GPI: variants seen among roughly 807,000 people sequenced by gnomAD.
GPI encodes the protein D-hexose-6-phosphate anomerase.
Under a neutral mutation model 75.8 loss-of-function variants are expected in GPI, and 56 were observed. The ratio of observed to expected loss-of-function variants is 0.74; its 90% CI spans 0.60 to 0.92. GPI has a LOEUF of 0.92. Among genes scored for constraint, GPI ranks in the 40% least tolerant of loss-of-function variants. GPI has a pLI of 0.00. For missense variants in GPI, 638 were observed against 741.0 expected (o/e 0.86, Z 1.61); for synonymous variants, 288 against 285.4 (o/e 1.01, Z -0.09).
intron 16 of GPI, 29 bp downstream of exon 16, chr19:34,399,660 T>C: frequency 6.2e-7 from 1 of 1,613,600 alleles, no homozygotes; most frequent in South Asian, 1.1e-5. Flanking sequence ...GGTCCTGGCT[T>C]GGGGTAGGTT....
chr19:34,372,688 T>C (rs1327121035), intron 4 of GPI, among the ~76,000 whole-genome samples: 1 of 152,198 alleles, frequency 6.6e-6, no homozygotes, highest in Non-Finnish European at 1.5e-5. Context: ...GGCTCTTGTA[T>C]AATCCCAGCA....
In GPI at chr19:34,365,335, G is replaced by A. The variant is rs990168476; in HGVS notation, c.69G>A (p.Glu23=). ...AATGGTACCGCGAGCACCGCTCCGA[G>A]CTGAACCTGCGCCGCCTCTTCGATG... is the stretch of plus-strand genomic sequence containing the variant. ...LQQWYREHRS[E]LNLRRLFDAN... Residue 23 remains glutamate (E), a synonymous_variant, in exon 1 of 18, where the codon GAG becomes GAA. Transcript: ENST00000356487. 3 of 1,592,120 alleles carry A rather than the reference G, an allele frequency of 1.9e-6. No homozygotes were observed. The highest frequency in any genetic ancestry group is 2.6e-6 in the Non-Finnish European group (3 of 1,171,232).
chr19:34,396,784 C>T (rs2074952148), intron 14 of GPI, 127 bp downstream of exon 14: 2 of 762,510 alleles, frequency 2.6e-6, no homozygotes, highest in Admixed American at 4.0e-5. Context: ...TGATAACAAA[C>T]ATGGAGGCTT....
chr19:34,386,451 A>C (rs1247600444), intron 9 of GPI, among the ~76,000 whole-genome samples: 1 of 152,114 alleles, frequency 6.6e-6, no homozygotes, highest in Non-Finnish European at 1.5e-5. Context: ...CAGGTAGACA[A>C]AACTGGTCTG....
At chr19:34,382,782 C>G (rs906646276) in intron 9 of GPI, among the ~76,000 whole-genome samples, 1 of 152,040 alleles carries the variant, frequency 6.6e-6, no homozygotes, top group Admixed American at 6.5e-5. Flanking sequence ...TCTGGCCTCC[C>G]AGGTAAGGCC....
rs8191382 is a variant in GPI at position 34,379,532 on chromosome 19, G to A, written c.720G>A (p.Ala240=). 41 of 1,613,944 alleles carry A rather than the reference G, an allele frequency of 2.5e-5. 2 individuals carry two copies. In the South Asian group the frequency reaches 3.1e-4, roughly 12 times the overall value. ...LQAAKDPSAV[A]KHFVALSTNT... ...GTCTCTTGTAGCCTTCTGCAGTGGC[G>A]AAGCACTTTGTTGCCCTGTCTACTA... Residue 240 remains alanine (A), a synonymous_variant, in exon 8 of 18, where the codon GCG becomes GCA. Coordinates refer to ENST00000356487, the MANE Select transcript of GPI (RefSeq NM_000175.5).
In GPI at chr19:34,394,037, C is replaced by T. The variant is rs1412588386; in HGVS notation, c.1033C>T (p.Leu345=). The change falls in exon 12 of 18, where the codon CTG becomes TTG. Residue 345 remains leucine, a synonymous_variant. Transcript: ENST00000356487. ...THAMLPYDQY[L]HRFAAYFQQG... Reference sequence around the variant, plus strand: ...CGCCATGCTGCCCTATGACCAGTACCTGCACCGCTTTGCTGCGTACTTCCA... The same window carrying T: ...CGCCATGCTGCCCTATGACCAGTACTTGCACCGCTTTGCTGCGTACTTCCA... 14 of 1,612,952 alleles carry T rather than the reference C, an allele frequency of 8.7e-6. No individual in the cohort carries two copies. The East Asian group carries it at 3.1e-4, about 36-fold the overall frequency.
rs1205642756 is a variant in GPI, at chr19:34,365,256, C to T, written c.-11C>T. 11 of 1,564,300 alleles carry T rather than the reference C, an allele frequency of 7.0e-6. 1 individual carries two copies. The highest frequency in any genetic ancestry group is 4.2e-5 in the African/African-American group (3 of 70,810). On this transcript the variant is annotated 5_prime_UTR_variant, in exon 1 of 18. Transcript: ENST00000356487. Reference sequence around the variant, plus strand: ...GCTCGCGTCTCACTCAGTGTACCTTCTAGTCCCGCCATGGCCGCTCTCACC... The same window carrying T: ...GCTCGCGTCTCACTCAGTGTACCTTTTAGTCCCGCCATGGCCGCTCTCACC...
chr19:34,396,101 G>A (rs2074940848), intron 12 of GPI, among the ~76,000 whole-genome samples, 200 bp from the exon 13 acceptor site: 1 of 151,958 alleles, frequency 6.6e-6, no homozygotes, highest in African/African-American at 2.4e-5. Context: ...ATCACACCTG[G>A]CTAATTTTGT....
intron 9 of GPI, among the ~76,000 whole-genome samples, chr19:34,389,746 C>A (rs928093254): frequency 6.6e-6 from 1 of 152,174 alleles, no homozygotes; most frequent in African/African-American, 2.4e-5. Flanking sequence ...GGGTCAAGTA[C>A]CCCTCAGGTT....
intron 9 of GPI, among the ~76,000 whole-genome samples, chr19:34,381,970 A>G (rs990856426): frequency 6.6e-6 from 1 of 152,114 alleles, no homozygotes; most frequent in Admixed American, 6.5e-5. Flanking sequence ...GGCGTAGAGG[A>G]GGCGCCAGGC....
In GPI at chr19:34,379,665, C is replaced by A. The variant is rs545907321; in HGVS notation, c.750+103C>A. On this transcript the variant is annotated intron_variant, in intron 8 of 17. Transcript: ENST00000356487. The stretch of plus-strand genomic sequence containing the variant: ...GGTTCGTAGGTCTGGTGGATCTTGG[C>A]TTGGCTGATGGTATGGAAGGTTTGG... 5.8e-4 allele frequency: 567 copies of A among 972,208 alleles called. 1 individual carries two copies. The highest frequency in any genetic ancestry group is 1.4e-3 in the Admixed American group (82 of 59,222). The allele number at this position is 972,208 out of a possible 1,614,324, so 60.2% of individuals were successfully genotyped here.
chr19:34,399,498 C>T, intron 15 of GPI, 58 bp from the exon 16 acceptor site: 1 of 1,587,858 alleles, frequency 6.3e-7, no homozygotes, highest in Admixed American at 1.7e-5. Context: ...GTGTGCTTCC[C>T]TTCAAGGGGT....
Position 34,399,269 on chromosome 19 carries a change from G to C in GPI, c.1332G>C (p.Glu444Asp), listed in dbSNP as rs1460324939. The C allele has an allele frequency of 3.1e-6, 5 of 1,613,878 alleles. No homozygotes were observed. The highest frequency in any genetic ancestry group is 4.2e-6 in the Non-Finnish European group (5 of 1,179,970). Reference protein sequence around the residue: ...EALMRGKSTEEARKELQAAGK... With the variant: ...EALMRGKSTEDARKELQAAGK... ...TGATGAGGGGAAAATCGACGGAGGA[G>C]GCCCGAAAGGAGCTCCAGGCTGCGG... The change falls in exon 15 of 18, where the codon GAG becomes GAC. Residue 444 changes from glutamate (E) to aspartate (D), a missense_variant. Physicochemically the swap from Glu to Asp is conservative, Grantham distance 45. Transcript: ENST00000356487.
Position 34,365,522 on chromosome 19 carries a change from A to C in GPI, c.122+134A>C, listed in dbSNP as rs760142158. ...ACCTCCAGGCCACGGACTGGGGCCC[A>C]GGCCGAGTCCGCACTTCGTCCTTGG... On this transcript the variant is annotated intron_variant, in intron 1 of 17. Coordinates refer to ENST00000356487, the MANE Select transcript of GPI (RefSeq NM_000175.5). 4.4e-6 allele frequency: 6 copies of C among 1,372,094 alleles called. No homozygotes were observed. The Middle Eastern group carries it at 7.2e-4, about 164-fold the overall frequency. The allele number at this position is 1,372,094 out of a possible 1,614,324, so 85.0% of individuals were successfully genotyped here. A position where few individuals can be genotyped will look rare whatever the true frequency, so the allele number is the denominator to read the frequency against.
intron 9 of GPI, chr19:34,392,173 GTC>G (rs1191124675): frequency 1.1e-3 from 38 of 35,112 alleles, no homozygotes; most frequent in South Asian, 2.6e-3. Context: ...GAAGATCTCA[GTC>G]TGTCAATTTC....
chr19:34,384,569 C>T (rs564868177), intron 9 of GPI, among the ~76,000 whole-genome samples: 1 of 152,264 alleles, frequency 6.6e-6, no homozygotes, highest in East Asian at 1.9e-4. Context: ...ACAGGTAGAA[C>T]GGATCTATCA....
chr19:34,366,317 G>C (rs1016342810), intron 1 of GPI, 28 bp from the exon 2 acceptor site: 12 of 1,418,968 alleles, frequency 8.5e-6, no homozygotes, highest in Admixed American at 5.0e-5. Context: ...ACCAGGGTGT[G>C]GTCAGCAGCA....
chr19:34,390,469 G>C (rs896327963), intron 9 of GPI, among the ~76,000 whole-genome samples: 1 of 151,690 alleles, frequency 6.6e-6, no homozygotes, highest in Admixed American at 6.6e-5. Context: ...GTACAGGTAT[G>C]TGGTGCTGGA....
Sources: allele counts gnomAD v4.1 joint callset (sites outside exome capture counted in the v4.1 genomes callset), GRCh38; gene constraint gnomAD v4.1.1; transcripts MANE v1.5; gene names NCBI Gene and HGNC (gene_info 2026-07-23, HGNC 2026-07-21).